AP3S1: variants seen among roughly 807,000 people sequenced by gnomAD.
The protein encoded by AP3S1 is adaptor related protein complex 3 subunit sigma 1, also known as AP-3 complex subunit sigma-1.
In AP3S1, 12 loss-of-function variants were observed where a neutral mutation model predicts 21.3. That is an observed-to-expected ratio of 0.56 (90% CI 0.36 to 0.91). The LOEUF (loss-of-function observed/expected upper bound fraction) is 0.91. Among genes scored for constraint, AP3S1 ranks in the 40% least tolerant of loss-of-function variants. The pLI is 0.01. For synonymous variants in AP3S1, 48 were observed against 78.4 expected (o/e 0.61, Z 2.05); for missense variants, 116 against 225.0 (o/e 0.52, Z 3.10).
chr5:115,913,302 T>C, intron 5 of AP3S1, 60 bp from the exon 6 acceptor site: 2 of 1,103,054 alleles, frequency 1.8e-6, no homozygotes, highest in Non-Finnish European at 2.3e-6. Context: ...GTAAGTGTTT[T>C]ATGATGAGCT....
At chr5:115,874,819 G>A (rs1293539147) in intron 3 of AP3S1, among the ~76,000 whole-genome samples, 1 of 144,980 alleles carries the variant, frequency 6.9e-6, no homozygotes, top group East Asian at 1.9e-4. Context: ...ACAGACAAGA[G>A]GTTGTTAGAA....
intron 5 of AP3S1, among the ~76,000 whole-genome samples, chr5:115,912,368 A>T (rs988588844): frequency 4.6e-5 from 7 of 152,042 alleles, no homozygotes; most frequent in Non-Finnish European, 5.9e-5. Flanking sequence ...TAGCCTGAAT[A>T]AAAAGTAATG....
chr5:115,855,344 T>G (rs1056132803), intron 1 of AP3S1, among the ~76,000 whole-genome samples: 1 of 151,856 alleles, frequency 6.6e-6, no homozygotes, highest in Admixed American at 6.6e-5. Flanking sequence ...TAGTCCTATT[T>G]TAATATTTTT....
At chr5:115,845,995 C>A (rs571310251) in intron 1 of AP3S1, among the ~76,000 whole-genome samples, 3 of 151,768 alleles carry the variant, frequency 2.0e-5, no homozygotes, top group Non-Finnish European at 4.4e-5. Context: ...TTAGCTTCAG[C>A]GACTTGACAA....
chr5:115,906,050 C>G (rs1349481138), intron 5 of AP3S1, among the ~76,000 whole-genome samples: 3 of 152,178 alleles, frequency 2.0e-5, no homozygotes, highest in Non-Finnish European at 4.4e-5. Context: ...CCTAGTTGCT[C>G]TGGAGCCTGA....
At chr5:115,847,481 A>G (rs1242147095) in intron 1 of AP3S1, among the ~76,000 whole-genome samples, 2 of 152,130 alleles carry the variant, frequency 1.3e-5, no homozygotes, top group East Asian at 1.9e-4. Flanking sequence ...TTAGTGAGTC[A>G]TGTTAGCACA....
intron 1 of AP3S1, 131 bp downstream of exon 1, chr5:115,842,237 C>T (rs1761637703): frequency 7.5e-7 from 1 of 1,339,884 alleles, no homozygotes; most frequent in East Asian, 3.0e-5. Context: ...GCCTGGCGCT[C>T]GCCAGCTGTC....
intron 1 of AP3S1, among the ~76,000 whole-genome samples, chr5:115,851,677 T>C (rs985390722): frequency 8.5e-5 from 13 of 152,122 alleles, no homozygotes; most frequent in Admixed American, 7.2e-4. Context: ...GTTTTTGTTG[T>C]TAAGTTGTAG....
intron 1 of AP3S1, among the ~76,000 whole-genome samples, chr5:115,864,906 A>G (rs563940589): frequency 1.3e-5 from 2 of 152,352 alleles, no homozygotes; most frequent in African/African-American, 4.8e-5. Context: ...AGTTCCAGTT[A>G]TTCAAGACTG....
intron 1 of AP3S1, chr5:115,842,531 G>GTT (rs1761686510): frequency 6.4e-6 from 1 of 156,862 alleles, no homozygotes; most frequent in African/African-American, 2.6e-5. Flanking sequence ...AGACGGCGTG[G>GTT]AACTCGTTCT....
At position 115,851,812 on chromosome 5, in the gene AP3S1, AATG is replaced by A. The variant is rs1561472859; in HGVS notation, c.69+9708_69+9710del. Among the ~76,000 whole-genome samples the A allele has an allele frequency of 9.9e-5, 15 of 152,178 alleles. No homozygotes were observed. In the South Asian group the frequency reaches 1.5e-3, roughly 15 times the overall value. Reference sequence around the variant, plus strand: ...TGTCCTTTGATACACACAACTGTTTAATGAGATTTAACTTACGTTTTTGTTGTT... The same window carrying A: ...TGTCCTTTGATACACACAACTGTTTAAGATTTAACTTACGTTTTTGTTGTT... On this transcript the variant is annotated intron_variant, in intron 1 of 5. Transcript: ENST00000316788.
intron 1 of AP3S1, among the ~76,000 whole-genome samples, chr5:115,861,140 A>G (rs1763147904): frequency 6.6e-6 from 1 of 152,218 alleles, no homozygotes; most frequent in Admixed American, 6.5e-5. Context: ...CTAAGGAACC[A>G]TGGAGAAAAA....
intron 1 of AP3S1, among the ~76,000 whole-genome samples, chr5:115,846,014 T>C (rs1208506197): frequency 6.6e-6 from 1 of 152,122 alleles, no homozygotes; most frequent in Non-Finnish European, 1.5e-5. Flanking sequence ...AACAGTAACC[T>C]TTAGTCTTTT....
At chr5:115,887,124 C>G (rs978011613) in intron 3 of AP3S1, among the ~76,000 whole-genome samples, 2 of 152,124 alleles carry the variant, frequency 1.3e-5, no homozygotes, top group South Asian at 2.1e-4. Context: ...AATTGTTCTT[C>G]AAAGGTAAAT....
chr5:115,853,470 A>T (rs559138095), intron 1 of AP3S1, among the ~76,000 whole-genome samples: 3 of 151,890 alleles, frequency 2.0e-5, no homozygotes, highest in Non-Finnish European at 4.4e-5. Context: ...TTGAATTTTG[A>T]TATCATCTAG....
Position 115,903,161 on chromosome 5 carries a change from G to T in AP3S1, c.453+169G>T. The T allele has an allele frequency of 6.1e-6, 3 of 491,940 alleles. No homozygotes were observed. In the South Asian group the frequency reaches 6.8e-5, roughly 11 times the overall value. 30.5% of individuals were successfully genotyped at this position (491,940 alleles called of 1,614,324 possible). A position where few individuals can be genotyped will look rare whatever the true frequency, so the allele number is the denominator to read the frequency against. On this transcript the variant is annotated intron_variant, in intron 5 of 5. Transcript: ENST00000316788. Reference sequence around the variant, plus strand: ...ACACGTAGTATGCTAAAGGTTCTGTGACTGTTCTCTACCCAACAGCTTTGT... The same window carrying T: ...ACACGTAGTATGCTAAAGGTTCTGTTACTGTTCTCTACCCAACAGCTTTGT...
chr5:115,846,947 G>T (rs1360099064), intron 1 of AP3S1, among the ~76,000 whole-genome samples: 1 of 152,154 alleles, frequency 6.6e-6, no homozygotes, highest in African/African-American at 2.4e-5. Context: ...CAGAGTAGTA[G>T]ACCGATTCCA....
In AP3S1 at chr5:115,866,781, G is replaced by T; in HGVS notation, c.161+20G>T. ...AGGATTGTAAGTAAAGCATTTCATA[G>T]ACATTTCTAAGTTTTGACTATGTGA... is the stretch of plus-strand genomic sequence containing the variant. On this transcript the variant is annotated intron_variant, in intron 2 of 5. Transcript: ENST00000316788. 6.6e-7 allele frequency: 1 copy of T among 1,516,966 alleles called. No homozygotes were observed. The highest frequency in any genetic ancestry group is 1.2e-5 in the South Asian group (1 of 84,010). 94.0% of individuals were successfully genotyped at this position (1,516,966 alleles called of 1,614,324 possible).
intron 1 of AP3S1, chr5:115,852,880 G>A (rs115178129): frequency 0.01 from 3,335 of 325,374 alleles, 28 homozygotes; most frequent in Middle Eastern, 0.019. Context: ...TCAATTGATG[G>A]ACATCTGGGT....
Sources: allele counts gnomAD v4.1 joint callset (sites outside exome capture counted in the v4.1 genomes callset), GRCh38; gene constraint gnomAD v4.1.1; transcripts MANE v1.5; gene names NCBI Gene and HGNC (gene_info 2026-07-23, HGNC 2026-07-21).